The following SNX29 variants were observed in gnomAD, a reference collection of about 807,000 sequenced individuals.
The protein encoded by SNX29 is sorting nexin 29.
Under a neutral mutation model 102.1 loss-of-function variants are expected in SNX29, and 78 were observed. That is an observed-to-expected ratio of 0.76 (90% CI 0.64 to 0.92). The LOEUF (loss-of-function observed/expected upper bound fraction) is 0.92. Ranked by LOEUF, SNX29 falls within the 40% of genes least tolerant of loss-of-function variation. The probability of loss-of-function intolerance (pLI) is 0.00; values close to 1 mark genes in which losing one functional copy is unlikely to be tolerated. For synonymous variants in SNX29, 580 were observed against 414.5 expected (o/e 1.40, Z -4.85); for missense variants, 1,280 against 1,061.7 (o/e 1.21, Z -2.86).
chr16:12,030,753 C>G (rs570521449), intron 4 of SNX29, among the ~76,000 whole-genome samples: 9 of 152,302 alleles, frequency 5.9e-5, no homozygotes, highest in African/African-American at 2.2e-4. Context: ...GACAAAGTAT[C>G]CAGTGCGTGA....
chr16:12,303,536 G>T (rs1166997840), intron 15 of SNX29, among the ~76,000 whole-genome samples: 2 of 152,166 alleles, frequency 1.3e-5, no homozygotes, highest in African/African-American at 2.4e-5. Flanking sequence ...TGGAACAGGA[G>T]GTAGGTTAAG....
At chr16:12,549,882 A>G (rs1236774172) in intron 20 of SNX29, among the ~76,000 whole-genome samples, 1 of 152,272 alleles carries the variant, frequency 6.6e-6, no homozygotes, top group Non-Finnish European at 1.5e-5. Flanking sequence ...GGTTCAGACT[A>G]GAACAGAGAT....
chr16:12,450,780 AT>A (rs1342339351), intron 18 of SNX29, among the ~76,000 whole-genome samples: 4 of 152,152 alleles, frequency 2.6e-5, no homozygotes, highest in Non-Finnish European at 5.9e-5. Context: ...CTTTAGGCCA[AT>A]CATTGTGGTG....
At chr16:12,230,840 G>GTATGTATGTATA (rs1555493158) in intron 14 of SNX29, among the ~76,000 whole-genome samples, 7 of 150,266 alleles carry the variant, frequency 4.7e-5, no homozygotes, top group Admixed American at 3.3e-4. Flanking sequence ...ATGTATGTAT[G>GTATGTATGTATA]TATGTATATA....
chr16:12,529,455 C>T (rs1038034293), intron 20 of SNX29, among the ~76,000 whole-genome samples: 1 of 152,112 alleles, frequency 6.6e-6, no homozygotes, highest in Non-Finnish European at 1.5e-5. Context: ...GAGACTGGAC[C>T]GCAAATCGGT....
chr16:12,216,121 C>T (rs1191314929), intron 14 of SNX29, among the ~76,000 whole-genome samples: 2 of 152,142 alleles, frequency 1.3e-5, no homozygotes, highest in African/African-American at 4.8e-5. Context: ...TGTTTTCTTT[C>T]TCCTTATTAA....
Position 12,159,968 on chromosome 16 carries a change from C to T in SNX29, c.1595+30210C>T, listed in dbSNP as rs1483884480. On this transcript the variant is annotated intron_variant, in intron 13 of 20. Coordinates refer to ENST00000566228, the MANE Select transcript of SNX29 (RefSeq NM_032167.5). ...CAGTCATAGGCACCAATTTTCTTTA[C>T]TGAAAATCTATTCTTCACCTCTCTT... is the stretch of plus-strand genomic sequence containing the variant. Among the ~76,000 whole-genome samples the T allele has an allele frequency of 2.0e-5, 3 of 152,252 alleles. No individual in the cohort carries two copies. In the East Asian group the frequency reaches 5.8e-4, roughly 29 times the overall value.
intron 18 of SNX29, among the ~76,000 whole-genome samples, chr16:12,427,863 C>T (rs1057508425): frequency 5.3e-5 from 8 of 152,252 alleles, no homozygotes; most frequent in Non-Finnish European, 7.3e-5. Flanking sequence ...GAGAAACCTT[C>T]TGAGGGCAAG....
chr16:12,085,900 T>G (rs573139468), intron 11 of SNX29, among the ~76,000 whole-genome samples: 1 of 152,112 alleles, frequency 6.6e-6, no homozygotes. Context: ...GTAGAACAGA[T>G]AGTTACTGAG....
intron 15 of SNX29, among the ~76,000 whole-genome samples, chr16:12,352,739 G>T (rs2082022635): frequency 6.6e-6 from 1 of 152,132 alleles, no homozygotes; most frequent in Admixed American, 6.5e-5. Context: ...TTCATTCCTG[G>T]TCCTCTGTCC....
chr16:12,064,955 T>C (rs2050959541), intron 9 of SNX29, among the ~76,000 whole-genome samples: 1 of 152,236 alleles, frequency 6.6e-6, no homozygotes, highest in African/African-American at 2.4e-5. Flanking sequence ...GAGACTTTTG[T>C]CATCTTTGAA....
At chr16:12,045,270 A>C (rs866010851) in intron 5 of SNX29, among the ~76,000 whole-genome samples, 1 of 152,108 alleles carries the variant, frequency 6.6e-6, no homozygotes, top group Non-Finnish European at 1.5e-5. Flanking sequence ...CCAGTCTCTC[A>C]CTCAACTACA....
At chr16:12,201,414 T>C (rs987666497) in intron 14 of SNX29, among the ~76,000 whole-genome samples, 31 of 152,242 alleles carry the variant, frequency 2.0e-4, no homozygotes, top group African/African-American at 6.5e-4. Flanking sequence ...TCAAATGTAC[T>C]CTGATTTGAC....
Position 12,518,264 on chromosome 16 carries a change from G to A in SNX29, c.2179-6438G>A, listed in dbSNP as rs150016158. Among the ~76,000 whole-genome samples, 1,262 of 152,186 alleles carry A rather than the reference G, an allele frequency of 8.3e-3. 18 individuals are homozygous for A. Among genetic ancestry groups the A allele is most frequent in the African/African-American group, 0.029 (1,212 of 41,528 alleles). On this transcript the variant is annotated intron_variant, in intron 19 of 20. Transcript: ENST00000566228. ...AGCTACCTGATGCCTCCCACCTCCC[G>A]TTGGCTTTGTTCACTGGTCTACGTG...
chr16:12,554,586 G>A (rs1038728846), intron 20 of SNX29, among the ~76,000 whole-genome samples: 1 of 152,126 alleles, frequency 6.6e-6, no homozygotes, highest in African/African-American at 2.4e-5. Flanking sequence ...ACCAAGACTT[G>A]GAGCTCCCAA....
intron 1 of SNX29, among the ~76,000 whole-genome samples, chr16:11,982,245 C>T (rs978252388): frequency 1.3e-5 from 2 of 151,876 alleles, no homozygotes; most frequent in South Asian, 4.1e-4. Flanking sequence ...TTTAAAGAAC[C>T]CAGTAGATAG....
At chr16:12,547,395 T>C (rs762582928) in intron 20 of SNX29, among the ~76,000 whole-genome samples, 58 of 152,048 alleles carry the variant, frequency 3.8e-4, no homozygotes, top group Non-Finnish European at 6.6e-4. Context: ...TTATGGGTGA[T>C]AGAACAGGTA....
At chr16:12,071,936 G>C (rs142922420) in intron 10 of SNX29, among the ~76,000 whole-genome samples, 29,146 of 152,090 alleles carry the variant, frequency 0.19, 3,494 homozygotes, top group South Asian at 0.34. Context: ...TGAAGCAATT[G>C]TGAATGGGAG....
chr16:12,226,806 G>A (rs1470398904), intron 14 of SNX29, among the ~76,000 whole-genome samples: 3 of 152,096 alleles, frequency 2.0e-5, no homozygotes, highest in Non-Finnish European at 4.4e-5. Flanking sequence ...TCGAACTCCC[G>A]ACCTTAGATT....
Sources: allele counts gnomAD v4.1 joint callset (sites outside exome capture counted in the v4.1 genomes callset), GRCh38; gene constraint gnomAD v4.1.1; transcripts MANE v1.5; gene names NCBI Gene and HGNC (gene_info 2026-07-23, HGNC 2026-07-21).